ELMO1: variants seen among roughly 807,000 people sequenced by gnomAD.
ELMO1 encodes engulfment and cell motility protein 1.
ELMO1 carries 26 observed loss-of-function variants against 98.9 expected under a neutral mutation model. The observed-to-expected ratio is 0.26, with a 90% confidence interval of 0.19 to 0.36. The LOEUF is 0.36. ELMO1 is among the 10% of genes least tolerant of loss of function. The pLI, the probability that ELMO1 is intolerant of heterozygous loss-of-function variation, is 1.00. For synonymous variants in ELMO1, 346 were observed against 346.0 expected, an observed-to-expected ratio of 1.00 and a Z score of 0.00; for missense variants, 627 against 935.2, an observed-to-expected ratio of 0.67 and a Z score of 4.30.
intron 4 of ELMO1, among the ~76,000 whole-genome samples, chr7:37,306,110 C>T (rs1798602910): frequency 6.6e-6 from 1 of 152,142 alleles, no homozygotes; most frequent in Non-Finnish European, 1.5e-5. Context: ...AAATGGCAGT[C>T]ATTTAAATGA....
At chr7:36,891,676 G>A (rs954639388) in intron 17 of ELMO1, among the ~76,000 whole-genome samples, 1 of 152,184 alleles carries the variant, frequency 6.6e-6, no homozygotes, top group Non-Finnish European at 1.5e-5. Context: ...GCATGACTCT[G>A]TCAAATCCTT....
intron 16 of ELMO1, among the ~76,000 whole-genome samples, chr7:36,911,634 TAAC>T (rs1784350733): frequency 6.6e-6 from 1 of 152,118 alleles, no homozygotes; most frequent in Non-Finnish European, 1.5e-5. Flanking sequence ...AATACATGGG[TAAC>T]ATACCTTAGA....
chr7:37,069,141 C>T (rs1427986370), intron 15 of ELMO1, among the ~76,000 whole-genome samples: 1 of 152,114 alleles, frequency 6.6e-6, no homozygotes, highest in Non-Finnish European at 1.5e-5. Flanking sequence ...CAATCCCATT[C>T]TAAACCACTA....
At chr7:37,352,117 T>C (rs1220358832) in intron 1 of ELMO1, among the ~76,000 whole-genome samples, 1 of 152,232 alleles carries the variant, frequency 6.6e-6, no homozygotes, top group Non-Finnish European at 1.5e-5. Context: ...GACAATTTTA[T>C]GAATAAGGTA....
At chr7:37,383,854 T>C (rs7807035) in intron 1 of ELMO1, among the ~76,000 whole-genome samples, 87,755 of 151,730 alleles carry the variant, frequency 0.58, 25,643 homozygotes, top group East Asian at 0.69. Context: ...TTGGCTCTGT[T>C]GCCCAGGCTG....
intron 15 of ELMO1, among the ~76,000 whole-genome samples, chr7:37,019,916 T>G (rs138457615): frequency 0.017 from 2,640 of 152,316 alleles, 23 homozygotes; most frequent in Middle Eastern, 0.048. Context: ...AGCTATAACC[T>G]GAACATACAT....
At chr7:37,248,338 G>T (rs564014419) in intron 6 of ELMO1, among the ~76,000 whole-genome samples, 8 of 150,336 alleles carry the variant, frequency 5.3e-5, no homozygotes, top group African/African-American at 2.0e-4. Flanking sequence ...TTTTTTTTTC[G>T]CCAACAGAAG....
intron 1 of ELMO1, among the ~76,000 whole-genome samples, chr7:37,386,328 T>C (rs1402282104): frequency 6.6e-6 from 1 of 151,144 alleles, no homozygotes. Context: ...GTGACAGAGA[T>C]AGATGATTCC....
At chr7:37,329,223 A>G (rs993574914) in intron 2 of ELMO1, among the ~76,000 whole-genome samples, 1 of 152,262 alleles carries the variant, frequency 6.6e-6, no homozygotes, top group Non-Finnish European at 1.5e-5. Context: ...GGCAAGATAG[A>G]GGAAAAAATG....
At chr7:36,936,121 C>T (rs1449835781) in intron 16 of ELMO1, among the ~76,000 whole-genome samples, 1 of 152,160 alleles carries the variant, frequency 6.6e-6, no homozygotes, top group Non-Finnish European at 1.5e-5. Context: ...ACTCCTTTTA[C>T]TGTGACAGTA....
chr7:37,376,191 C>A (rs972381143), intron 1 of ELMO1, among the ~76,000 whole-genome samples: 1 of 152,164 alleles, frequency 6.6e-6, no homozygotes, highest in African/African-American at 2.4e-5. Context: ...ACAGACCTGA[C>A]CTAGTGCCCA....
At chr7:37,294,628 A>C (rs1207900830) in intron 4 of ELMO1, among the ~76,000 whole-genome samples, 1 of 152,222 alleles carries the variant, frequency 6.6e-6, no homozygotes, top group Admixed American at 6.5e-5. Flanking sequence ...TTGTGATACC[A>C]AAATTGAGGA....
intron 15 of ELMO1, among the ~76,000 whole-genome samples, chr7:37,027,792 A>G (rs563457012): frequency 6.6e-6 from 1 of 152,160 alleles, no homozygotes; most frequent in South Asian, 2.1e-4. Context: ...GCACTGTGAT[A>G]ACAATTTAGG....
intron 15 of ELMO1, among the ~76,000 whole-genome samples, chr7:37,086,368 G>GT (rs1554407789): frequency 2.8e-4 from 41 of 146,800 alleles, no homozygotes; most frequent in African/African-American, 1.0e-3. Flanking sequence ...GTGTGTGTGT[G>GT]AAGAGAAGGA....
chr7:36,974,183 G>C (rs1263831562), intron 16 of ELMO1, among the ~76,000 whole-genome samples: 1 of 152,246 alleles, frequency 6.6e-6, no homozygotes, highest in African/African-American at 2.4e-5. Context: ...GTATCCACTG[G>C]GTGAAGCCAG....
At chr7:36,929,147 G>A (rs1398251294) in intron 16 of ELMO1, among the ~76,000 whole-genome samples, 1 of 152,178 alleles carries the variant, frequency 6.6e-6, no homozygotes, top group Non-Finnish European at 1.5e-5. Context: ...GCCTCTAATG[G>A]GGTAAGCTTG....
At chr7:37,103,942 C>G (rs192667595) in intron 14 of ELMO1, among the ~76,000 whole-genome samples, 1 of 129,742 alleles carries the variant, frequency 7.7e-6, no homozygotes, top group African/African-American at 2.8e-5. Context: ...ACCCGCGAGG[C>G]GGAGCTTGCA....
intron 19 of ELMO1, among the ~76,000 whole-genome samples, chr7:36,875,786 C>A (rs1803909721): frequency 6.6e-6 from 1 of 152,120 alleles, no homozygotes; most frequent in Admixed American, 6.5e-5. Flanking sequence ...TGGGCAAGAC[C>A]AGGAACTGCC....
At position 37,392,153 on chromosome 7, in the gene ELMO1, T is replaced by A. The variant is rs1392274495; in HGVS notation, c.-73-49390A>T. On this transcript the variant is annotated intron_variant, in intron 1 of 21. Coordinates refer to ENST00000310758, the MANE Select transcript of ELMO1 (RefSeq NM_014800.11). Reference sequence around the variant, plus strand: ...TTCCAGGATGGTAAACTTTTTTTTTTAAAGTCTTTCCTTCCTCTGATGTGG... The same window carrying A: ...TTCCAGGATGGTAAACTTTTTTTTTAAAAGTCTTTCCTTCCTCTGATGTGG... Among the ~76,000 whole-genome samples the A allele has an allele frequency of 2.6e-5, 4 of 152,118 alleles. No homozygotes were observed. The South Asian group carries it at 6.2e-4, about 24-fold the overall frequency.
Sources: allele counts gnomAD v4.1 joint callset (sites outside exome capture counted in the v4.1 genomes callset), GRCh38; gene constraint gnomAD v4.1.1; transcripts MANE v1.5; gene names NCBI Gene and HGNC (gene_info 2026-07-23, HGNC 2026-07-21).